SHISA9: variants seen among roughly 807,000 people sequenced by gnomAD.
SHISA9 encodes the protein shisa family member 9, also known as protein shisa-9.
In SHISA9, 13 loss-of-function variants were observed where a neutral mutation model predicts 38.0. That is an observed-to-expected ratio of 0.34 (90% CI 0.22 to 0.54). The LOEUF is 0.54. SHISA9 is among the 20% of genes least tolerant of loss of function. SHISA9 has a pLI of 0.91. For missense variants in SHISA9, 538 were observed against 575.8 expected (o/e 0.93, Z 0.67); for synonymous variants, 275 against 242.0 (o/e 1.14, Z -1.27).
the SHISA9 span, among the ~76,000 whole-genome samples, chr16:13,283,840 T>G: frequency 6.6e-6 from 1 of 152,070 alleles, no homozygotes; most frequent in African/African-American, 2.4e-5. Context: ...CCCCAACATC[T>G]CTCGGCACTC....
At chr16:13,106,972 CT>C (rs2073931093) in intron 2 of SHISA9, among the ~76,000 whole-genome samples, 1 of 61,994 alleles carries the variant, frequency 1.6e-5, no homozygotes, top group Non-Finnish European at 3.1e-5. Flanking sequence ...CACGTTCTCT[CT>C]CTCTCTCTCT....
the SHISA9 span, among the ~76,000 whole-genome samples, chr16:13,451,486 C>A: frequency 6.6e-6 from 1 of 152,102 alleles, no homozygotes. Flanking sequence ...CAGGAAAGAT[C>A]CAAGATGCTG....
At chr16:13,038,582 A>G (rs2073100130) in intron 2 of SHISA9, among the ~76,000 whole-genome samples, 2 of 152,294 alleles carry the variant, frequency 1.3e-5, no homozygotes, top group South Asian at 4.1e-4. Flanking sequence ...CCTTCTCTGT[A>G]GTTGATCATC....
chr16:13,268,776 C>G, the SHISA9 span, among the ~76,000 whole-genome samples: 1 of 152,084 alleles, frequency 6.6e-6, no homozygotes. Context: ...CAACATGCAT[C>G]CAGAATAAAA....
the SHISA9 span, among the ~76,000 whole-genome samples, chr16:13,482,939 G>A: frequency 2.0e-5 from 3 of 152,126 alleles, no homozygotes; most frequent in Admixed American, 2.0e-4. Flanking sequence ...TGTGGCTGGT[G>A]CCCCAAGGCT....
intron 2 of SHISA9, among the ~76,000 whole-genome samples, chr16:13,003,886 T>G (rs59443112): frequency 0.37 from 54,030 of 145,144 alleles, 10,134 homozygotes; most frequent in Middle Eastern, 0.47. Context: ...ATAATAATAA[T>G]AATAAGAAGA....
chr16:13,247,239 A>C, the SHISA9 span, among the ~76,000 whole-genome samples: 9 of 152,264 alleles, frequency 5.9e-5, no homozygotes, highest in South Asian at 1.9e-3. Context: ...CCCATGATCT[A>C]GTCACCTCCC....
chr16:13,259,168 G>A, the SHISA9 span, among the ~76,000 whole-genome samples: 1 of 152,166 alleles, frequency 6.6e-6, no homozygotes, highest in Non-Finnish European at 1.5e-5. Context: ...AAACAAAGGG[G>A]TTACAGGGCC....
At chr16:12,915,745 G>A (rs1446927750) in intron 1 of SHISA9, among the ~76,000 whole-genome samples, 1 of 152,228 alleles carries the variant, frequency 6.6e-6, no homozygotes, top group East Asian at 1.9e-4. Context: ...CAGCAATATG[G>A]CTAACACTCA....
chr16:13,317,433 C>G, the SHISA9 span, among the ~76,000 whole-genome samples: 2 of 152,146 alleles, frequency 1.3e-5, no homozygotes, highest in African/African-American at 4.8e-5. Context: ...GCTTTGGGTT[C>G]AAACTGCCTT....
At chr16:13,003,645 G>A (rs900961661) in intron 2 of SHISA9, among the ~76,000 whole-genome samples, 2 of 152,106 alleles carry the variant, frequency 1.3e-5, no homozygotes, top group African/African-American at 2.4e-5. Context: ...ATCACCTGAG[G>A]TCAGGAGTTC....
the SHISA9 span, among the ~76,000 whole-genome samples, chr16:13,337,311 C>T: frequency 7.9e-5 from 12 of 152,158 alleles, no homozygotes; most frequent in South Asian, 2.1e-4. Flanking sequence ...ATAAGTCTCA[C>T]GAGATCTGAT....
chr16:13,140,262 C>T (rs1376582827), intron 2 of SHISA9, among the ~76,000 whole-genome samples: 1 of 151,038 alleles, frequency 6.6e-6, no homozygotes, highest in African/African-American at 2.4e-5. Context: ...CTGTAACCTC[C>T]ACCTCCCGGA....
At chr16:12,998,158 G>T (rs971772495) in intron 2 of SHISA9, among the ~76,000 whole-genome samples, 2 of 152,190 alleles carry the variant, frequency 1.3e-5, no homozygotes, top group African/African-American at 2.4e-5. Flanking sequence ...AACACGCCTA[G>T]TTTCTGGACT....
intron 2 of SHISA9, among the ~76,000 whole-genome samples, chr16:13,202,982 GTCC>G (rs1201488710): frequency 6.6e-6 from 1 of 152,178 alleles, no homozygotes; most frequent in Admixed American, 6.5e-5. Flanking sequence ...CAGTACTCAT[GTCC>G]TTCAATCCCT....
chr16:13,245,955 C>G, the SHISA9 span, among the ~76,000 whole-genome samples: 1 of 152,046 alleles, frequency 6.6e-6, no homozygotes, highest in Non-Finnish European at 1.5e-5. Context: ...ACAGTTAATA[C>G]CAATGTCCTC....
chr16:13,192,964 A>AG (rs2050901260), intron 2 of SHISA9, among the ~76,000 whole-genome samples: 3 of 151,458 alleles, frequency 2.0e-5, no homozygotes, highest in African/African-American at 7.3e-5. Context: ...AGGAGGAGGA[A>AG]AAGAAGAAGA....
chr16:13,296,843 A>T, the SHISA9 span, among the ~76,000 whole-genome samples: 1 of 134,742 alleles, frequency 7.4e-6, no homozygotes, highest in Non-Finnish European at 1.6e-5. Context: ...GTGAGCTGAG[A>T]GCATGCCCTT....
At chr16:12,956,007 C>T (rs1373818153) in intron 2 of SHISA9, among the ~76,000 whole-genome samples, 6 of 152,096 alleles carry the variant, frequency 3.9e-5, no homozygotes, top group Non-Finnish European at 8.8e-5. Context: ...TAAATTGTGC[C>T]TCCGACAAAA....
Sources: allele counts gnomAD v4.1 joint callset (sites outside exome capture counted in the v4.1 genomes callset), GRCh38; gene constraint gnomAD v4.1.1; transcripts MANE v1.5; gene names NCBI Gene and HGNC (gene_info 2026-07-23, HGNC 2026-07-21).